LYRM4: variants seen among roughly 807,000 people sequenced by gnomAD.
LYRM4 encodes the protein LYR motif-containing protein 4.
A neutral mutation model predicts 11.7 loss-of-function variants in LYRM4; 9 were observed. The ratio of observed to expected loss-of-function variants is 0.77; its 90% confidence interval spans 0.46 to 1.34. The LOEUF (loss-of-function observed/expected upper bound fraction) is 1.34. Among genes scored for constraint, LYRM4 ranks in the 40% most tolerant of loss-of-function variants. The probability of loss-of-function intolerance (pLI) is 0.00; values close to 1 mark genes in which losing one functional copy is unlikely to be tolerated. For synonymous variants in LYRM4, 42 were observed against 40.4 expected (o/e 1.04, Z -0.15); for missense variants, 133 against 112.5 (o/e 1.18, Z -0.82).
the LYRM4 span, chr6:5,034,597 C>T: frequency 0.028 from 4,281 of 152,592 alleles, 221 homozygotes; most frequent in Admixed American, 0.12. Flanking sequence ...TGTGACTCGC[C>T]GGCTCCCCTG....
At chr6:5,132,903 A>C (rs1211245309) in intron 2 of LYRM4, 1 of 152,254 alleles carries the variant, frequency 6.6e-6, no homozygotes, top group Non-Finnish European at 1.5e-5. Flanking sequence ...AGTGCTCATG[A>C]GAAGTGAGTC....
chr6:5,243,317 C>T (rs1244984969), intron 1 of LYRM4, among the ~76,000 whole-genome samples: 1 of 152,216 alleles, frequency 6.6e-6, no homozygotes, highest in Non-Finnish European at 1.5e-5. Flanking sequence ...CCATGTAGCT[C>T]CCACTCTTGT....
chr6:5,110,262 C>A (rs972515410), intron 2 of LYRM4, among the ~76,000 whole-genome samples: 1 of 121,648 alleles, frequency 8.2e-6, no homozygotes. Flanking sequence ...ACCAGTTGGT[C>A]ACTATCTATG....
At chr6:5,195,159 A>ACCT (rs1760978675) in intron 2 of LYRM4, among the ~76,000 whole-genome samples, 2 of 152,300 alleles carry the variant, frequency 1.3e-5, no homozygotes, top group Admixed American at 1.3e-4. Context: ...AGCTCACAGG[A>ACCT]CGGCCCTGCA....
intron 2 of LYRM4, among the ~76,000 whole-genome samples, chr6:5,194,247 C>T (rs1039785954): frequency 2.0e-5 from 3 of 152,132 alleles, no homozygotes; most frequent in Admixed American, 6.5e-5. Context: ...GAAGGTTTGG[C>T]CAACTGTAGT....
At chr6:5,241,231 G>T (rs898676270) in intron 1 of LYRM4, among the ~76,000 whole-genome samples, 1 of 152,132 alleles carries the variant, frequency 6.6e-6, no homozygotes, top group Non-Finnish European at 1.5e-5. Context: ...AATGAAGTAA[G>T]AATCCTCATT....
At chr6:5,210,607 G>A (rs1581513446) in intron 2 of LYRM4, among the ~76,000 whole-genome samples, 1 of 152,062 alleles carries the variant, frequency 6.6e-6, no homozygotes, top group East Asian at 1.9e-4. Flanking sequence ...ATATTGTTGT[G>A]AAACATGACC....
chr6:5,162,857 A>C (rs1353063155), intron 2 of LYRM4, among the ~76,000 whole-genome samples: 1 of 152,252 alleles, frequency 6.6e-6, no homozygotes. Context: ...TGATAACAAT[A>C]AAAGATGGAA....
At chr6:5,250,828 G>C (rs12190040) in intron 1 of LYRM4, among the ~76,000 whole-genome samples, 11 of 152,188 alleles carry the variant, frequency 7.2e-5, no homozygotes, top group Admixed American at 3.9e-4. Context: ...TATAATAAAA[G>C]AGTGAAAGCA....
the LYRM4 span, chr6:5,085,727 G>C: frequency 6.5e-7 from 1 of 1,544,926 alleles, no homozygotes; most frequent in South Asian, 1.2e-5. Flanking sequence ...CGCCGCTGCC[G>C]CGCGCGCTCC....
At chr6:5,258,079 A>T (rs1201034806) in intron 1 of LYRM4, among the ~76,000 whole-genome samples, 1 of 152,160 alleles carries the variant, frequency 6.6e-6, no homozygotes, top group Admixed American at 6.5e-5. Flanking sequence ...ATAGAACAGT[A>T]CTTGTAAAGG....
At chr6:5,144,879 C>A (rs1414499319) in intron 2 of LYRM4, among the ~76,000 whole-genome samples, 1 of 152,176 alleles carries the variant, frequency 6.6e-6, no homozygotes, top group Non-Finnish European at 1.5e-5. Context: ...CCTCTGAGGT[C>A]TCCTTTAGGT....
intron 2 of LYRM4, among the ~76,000 whole-genome samples, chr6:5,182,267 G>C (rs1166926879): frequency 6.6e-6 from 1 of 152,150 alleles, no homozygotes; most frequent in Non-Finnish European, 1.5e-5. Flanking sequence ...TTAAACCAAT[G>C]ATGTCAATAT....
intron 1 of LYRM4, among the ~76,000 whole-genome samples, chr6:5,255,815 T>C (rs9504363): frequency 0.022 from 3,424 of 152,236 alleles, 44 homozygotes; most frequent in Middle Eastern, 0.034. Flanking sequence ...TAGCACCCCC[T>C]TTCCAAGTTG....
intron 1 of LYRM4, among the ~76,000 whole-genome samples, chr6:5,256,254 C>T (rs986862797): frequency 6.6e-6 from 1 of 151,882 alleles, no homozygotes; most frequent in Admixed American, 6.5e-5. Context: ...CTTTGGGAGG[C>T]CGAGGTGGGC....
In LYRM4 at chr6:5,197,319, T is replaced by C. The variant is rs367761177; in HGVS notation, c.207+19299A>G. Among the ~76,000 whole-genome samples the C allele has an allele frequency of 2.1e-3, 326 of 152,296 alleles. 2 individuals are homozygous for C. The highest frequency in any genetic ancestry group is 6.9e-3 in the African/African-American group (286 of 41,560). On this transcript the variant is annotated intron_variant, in intron 2 of 2. Coordinates refer to ENST00000330636, the MANE Select transcript of LYRM4 (RefSeq NM_020408.6). ...TGCCTGAGTTGGCTGTGCCTGATTA[T>C]ATAAGTCTAGAGCATATGCCAAGCC...
intron 2 of LYRM4, among the ~76,000 whole-genome samples, chr6:5,197,734 T>C (rs1253684681): frequency 2.0e-5 from 3 of 152,122 alleles, no homozygotes; most frequent in African/African-American, 7.2e-5. Context: ...ATCTTCTATT[T>C]TGGAGGACCT....
chr6:5,162,022 A>G (rs1253053693), intron 2 of LYRM4, among the ~76,000 whole-genome samples: 1 of 152,082 alleles, frequency 6.6e-6, no homozygotes, highest in African/African-American at 2.4e-5. Flanking sequence ...CAACCCCCAG[A>G]AAAAAAGTGT....
At chr6:5,063,889 G>A in the LYRM4 span, among the ~76,000 whole-genome samples, 3 of 152,192 alleles carry the variant, frequency 2.0e-5, no homozygotes, top group East Asian at 3.8e-4. Flanking sequence ...GGCATGCGCT[G>A]GTCCCAGGAA....
Sources: gnomAD v4.1 joint callset for allele counts (sites outside exome capture counted in the v4.1 genomes callset) on GRCh38, gnomAD v4.1.1 for gene constraint, MANE v1.5 for transcripts, NCBI Gene and HGNC (gene_info 2026-07-23, HGNC 2026-07-21) for gene names.